The following RNF180 variants were observed in gnomAD, a reference collection of about 807,000 sequenced individuals.
RNF180 encodes E3 ubiquitin-protein ligase RNF180.
RNF180 carries 38 observed loss-of-function variants against 59.2 expected under a neutral mutation model. That is an observed-to-expected ratio of 0.64 (90% CI 0.50 to 0.84). The LOEUF (loss-of-function observed/expected upper bound fraction) is 0.84, where lower values mean the gene tolerates loss of function less well. Among genes scored for constraint, RNF180 ranks in the 40% least tolerant of loss-of-function variants. RNF180 has a pLI of 0.00. For synonymous variants in RNF180, 262 were observed against 240.3 expected, an observed-to-expected ratio of 1.09 and a Z score of -0.84; for missense variants, 705 against 700.9, an observed-to-expected ratio of 1.01 and a Z score of -0.07.
chr5:64,350,709 A>C (rs1431341569), intron 7 of RNF180, among the ~76,000 whole-genome samples: 1 of 152,150 alleles, frequency 6.6e-6, no homozygotes, highest in African/African-American at 2.4e-5. Context: ...GTCAAAGATC[A>C]GATGGTTGTA....
chr5:64,309,589 G>A (rs62369368), intron 5 of RNF180, among the ~76,000 whole-genome samples: 2 of 151,174 alleles, frequency 1.3e-5, no homozygotes, highest in African/African-American at 2.4e-5. Flanking sequence ...TTCTAATATT[G>A]TGGTGTGTTT....
intron 6 of RNF180, among the ~76,000 whole-genome samples, chr5:64,328,763 T>A (rs1335085135): frequency 6.6e-6 from 1 of 152,190 alleles, no homozygotes; most frequent in Non-Finnish European, 1.5e-5. Context: ...AGGCAGTGAT[T>A]AAGAAAAATT....
intron 5 of RNF180, among the ~76,000 whole-genome samples, chr5:64,224,346 C>T (rs1038683243): frequency 6.6e-6 from 1 of 151,970 alleles, no homozygotes; most frequent in Admixed American, 6.6e-5. Context: ...ATATTTTGAT[C>T]CTATGCTGTC....
At chr5:64,253,812 T>C (rs1019623889) in intron 5 of RNF180, among the ~76,000 whole-genome samples, 12 of 152,142 alleles carry the variant, frequency 7.9e-5, no homozygotes, top group African/African-American at 2.4e-4. Context: ...TGAATTAAAG[T>C]AATATCGGCA....
chr5:64,186,136 A>G (rs150271459), intron 1 of RNF180, among the ~76,000 whole-genome samples: 4 of 152,248 alleles, frequency 2.6e-5, no homozygotes, highest in East Asian at 3.9e-4. Context: ...ATCAAACAAA[A>G]TGTCTCTGTA....
chr5:64,178,667 G>T (rs1750393986), intron 1 of RNF180, among the ~76,000 whole-genome samples: 1 of 152,156 alleles, frequency 6.6e-6, no homozygotes, highest in Non-Finnish European at 1.5e-5. Context: ...GTATTAACTT[G>T]TGTAGTATTG....
At position 64,299,408 on chromosome 5, in the gene RNF180, C is replaced by T. The variant is rs528533753; in HGVS notation, c.1228-25778C>T. Among the ~76,000 whole-genome samples, 14 of 151,996 alleles carry T rather than the reference C, an allele frequency of 9.2e-5. No individual in the cohort carries two copies. In the East Asian group the frequency reaches 2.3e-3, roughly 25 times the overall value. ...TATTGTTACATATACAAATAGACAC[C>T]AGTTAAACATTCATCTTCTTTTCTG... On this transcript the variant is annotated intron_variant, in intron 5 of 7. Transcript: ENST00000389100.
At chr5:64,190,152 G>C (rs956588072) in intron 1 of RNF180, among the ~76,000 whole-genome samples, 1 of 152,150 alleles carries the variant, frequency 6.6e-6, no homozygotes, top group Non-Finnish European at 1.5e-5. Flanking sequence ...ATCTCAGTGG[G>C]CCGAGAAAAC....
chr5:64,231,928 CTTTAT>C (rs570933985), intron 5 of RNF180, among the ~76,000 whole-genome samples: 20 of 152,124 alleles, frequency 1.3e-4, no homozygotes, highest in Non-Finnish European at 2.8e-4. Flanking sequence ...GAAAATGTTC[CTTTAT>C]TTTAAGTGAC....
chr5:64,321,236 C>T (rs1464431402), intron 5 of RNF180, among the ~76,000 whole-genome samples: 1 of 152,020 alleles, frequency 6.6e-6, no homozygotes, highest in Non-Finnish European at 1.5e-5. Flanking sequence ...ATCAAATTGT[C>T]GCTGTTGCAG....
intron 5 of RNF180, among the ~76,000 whole-genome samples, chr5:64,220,082 CT>C (rs1166251685): frequency 6.6e-6 from 1 of 152,072 alleles, no homozygotes; most frequent in African/African-American, 2.4e-5. Context: ...ATGATAACCT[CT>C]TTTCAATCCT....
intron 5 of RNF180, among the ~76,000 whole-genome samples, chr5:64,275,108 AT>A (rs1465585485): frequency 1.3e-5 from 2 of 151,664 alleles, no homozygotes; most frequent in African/African-American, 4.8e-5. Context: ...CAACAATGAC[AT>A]TTATAAAAAT....
intron 5 of RNF180, among the ~76,000 whole-genome samples, chr5:64,293,671 A>C (rs1287608790): frequency 6.6e-6 from 1 of 151,970 alleles, no homozygotes; most frequent in East Asian, 1.9e-4. Flanking sequence ...AATATTCGCA[A>C]TGTATTATTT....
At chr5:64,242,810 T>C (rs2112242105) in intron 5 of RNF180, among the ~76,000 whole-genome samples, 1 of 152,322 alleles carries the variant, frequency 6.6e-6, no homozygotes, top group South Asian at 2.1e-4. Context: ...GATGGCCGAA[T>C]AGGAACAGCT....
chr5:64,169,548 G>A (rs1749827107), intron 1 of RNF180, among the ~76,000 whole-genome samples: 1 of 152,210 alleles, frequency 6.6e-6, no homozygotes, highest in Admixed American at 6.5e-5. Flanking sequence ...AGTTTGGAAT[G>A]TGATTCTTAA....
rs146921621 is a variant in RNF180, at chr5:64,238,777, A to G, written c.1227+21381A>G. Among the ~76,000 whole-genome samples, 531 of 152,206 alleles carry G rather than the reference A, an allele frequency of 3.5e-3. 2 individuals are homozygous for G. Among genetic ancestry groups the G allele is most frequent in the African/African-American group, 0.012 (482 of 41,544 alleles). On this transcript the variant is annotated intron_variant, in intron 5 of 7. Transcript: ENST00000389100. ...GTTTGCAAATATGTTCTCCCTTTCT[A>G]TAGATTACCTTTACACGCTGTTGAT...
intron 7 of RNF180, among the ~76,000 whole-genome samples, chr5:64,362,105 G>T (rs900704826): frequency 1.3e-5 from 2 of 150,858 alleles, no homozygotes; most frequent in African/African-American, 4.9e-5. Flanking sequence ...TTAACTTTTA[G>T]GTTCATGGGT....
intron 5 of RNF180, among the ~76,000 whole-genome samples, chr5:64,254,649 T>C (rs896775714): frequency 2.6e-5 from 4 of 152,156 alleles, no homozygotes; most frequent in African/African-American, 7.2e-5. Context: ...CTTAAGATTA[T>C]CCATTCTTTT....
In RNF180 at chr5:64,369,622, C is replaced by T. The variant is rs1746587916; in HGVS notation, c.1587C>T (p.Arg529=). The change falls in exon 8 of 8, where the codon CGC becomes CGT. Residue 529 remains arginine (R), a synonymous_variant. Coordinates refer to ENST00000389100, the MANE Select transcript of RNF180 (RefSeq NM_001113561.2). ...RKAFHLFGGF[R]RHAAPVTRRQ... ...TGTTCATACATCTTCTAGGTTTCCGCAGACATGCAGCTCCAGTTACAAGAA... is the reference window on the plus strand; with the variant it reads ...TGTTCATACATCTTCTAGGTTTCCGTAGACATGCAGCTCCAGTTACAAGAA... The T allele has an allele frequency of 5.3e-6, 8 of 1,512,038 alleles. No individual in the cohort carries two copies. The South Asian group carries it at 7.8e-5, about 15-fold the overall frequency. The allele number at this position is 1,512,038 out of a possible 1,614,324, so 93.7% of individuals were successfully genotyped here.
Sources: allele counts gnomAD v4.1 joint callset (sites outside exome capture counted in the v4.1 genomes callset), GRCh38; gene constraint gnomAD v4.1.1; transcripts MANE v1.5; gene names NCBI Gene and HGNC (gene_info 2026-07-23, HGNC 2026-07-21).